Variants in P2RY6 observed in about 807,000 individuals in gnomAD.
The protein encoded by P2RY6 is P2Y purinoceptor 6.
A neutral mutation model predicts 16.3 loss-of-function variants in P2RY6; 19 were observed. The ratio of observed to expected loss-of-function variants is 1.16; its 90% CI spans 0.81 to 1.71. The LOEUF (loss-of-function observed/expected upper bound fraction) is 1.71. P2RY6 is among the 40% of genes most tolerant of loss of function. P2RY6 has a pLI of 0.00. For missense variants in P2RY6, 389 were observed against 455.5 expected (o/e 0.85, Z 1.33); for synonymous variants, 184 against 201.5 (o/e 0.91, Z 0.74).
intron 1 of P2RY6, among the ~76,000 whole-genome samples, chr11:73,288,660 G>A (rs1013119961): frequency 1.3e-5 from 2 of 152,226 alleles, no homozygotes; most frequent in Non-Finnish European, 2.9e-5. Flanking sequence ...CCCTGCTTCA[G>A]GCTAGAGGCT....
chr11:73,277,116 AT>A (rs11354080), intron 1 of P2RY6, among the ~76,000 whole-genome samples: 5,627 of 145,654 alleles, frequency 0.039, 97 homozygotes, highest in Middle Eastern at 0.068. Flanking sequence ...AGAAATACAG[AT>A]TTTTTTTTTT....
At chr11:73,292,748 C>T (rs1864310161) in intron 1 of P2RY6, 1 of 978,568 alleles carries the variant, frequency 1.0e-6, no homozygotes, top group Non-Finnish European at 1.2e-6. Context: ...GTGGCCCCCA[C>T]AGGGGCTCTT....
chr11:73,275,068 G>A (rs575838235), intron 1 of P2RY6, among the ~76,000 whole-genome samples: 27 of 152,348 alleles, frequency 1.8e-4, no homozygotes, highest in African/African-American at 6.3e-4. Context: ...GCAAGACGCA[G>A]TCATTTGGTC....
chr11:73,291,376 T>G (rs1036709392), intron 1 of P2RY6, among the ~76,000 whole-genome samples: 7 of 152,096 alleles, frequency 4.6e-5, no homozygotes, highest in Admixed American at 1.3e-4. Flanking sequence ...CCCGCCCTGC[T>G]GGGAGTGGGT....
upstream of P2RY6, among the ~76,000 whole-genome samples, chr11:73,270,428 G>A (rs917930956): frequency 2.0e-5 from 3 of 152,102 alleles, no homozygotes; most frequent in South Asian, 2.1e-4. Flanking sequence ...CTGACGGGGG[G>A]CACAGCCAGC....
At chr11:73,284,958 C>T (rs1863910028) in intron 1 of P2RY6, among the ~76,000 whole-genome samples, 1 of 152,086 alleles carries the variant, frequency 6.6e-6, no homozygotes, top group African/African-American at 2.4e-5. Flanking sequence ...AGAGAAGGGG[C>T]GTAGGAATCA....
At position 73,295,721 on chromosome 11, in the gene P2RY6, AT is replaced by A; in HGVS notation, c.-120-5del. The A allele has an allele frequency of 1.0e-6, 1 of 978,772 alleles. No individual in the cohort carries two copies. The highest frequency in any genetic ancestry group is 1.2e-6 in the Non-Finnish European group (1 of 823,906). 60.6% of individuals were successfully genotyped at this position (978,772 alleles called of 1,614,324 possible). On this transcript the variant is annotated splice_polypyrimidine_tract_variant and splice_region_variant and intron_variant, in intron 1 of 2. Coordinates refer to ENST00000540124, the MANE Select transcript of P2RY6 (RefSeq NM_001277204.2). Reference sequence around the variant, plus strand: ...GAACTGGGTATCACCTCCTTCCCCTATTTTACAGATAACAAGACCTCTGCCA... The same window carrying A: ...GAACTGGGTATCACCTCCTTCCCCTATTTACAGATAACAAGACCTCTGCCA...
intron 1 of P2RY6, among the ~76,000 whole-genome samples, chr11:73,275,606 G>C (rs959464472): frequency 6.6e-6 from 1 of 152,210 alleles, no homozygotes; most frequent in Non-Finnish European, 1.5e-5. Context: ...CATTCCTCAT[G>C]CCTTCGCATT....
upstream of P2RY6, among the ~76,000 whole-genome samples, chr11:73,267,704 T>C (rs1325038875): frequency 6.6e-6 from 1 of 152,184 alleles, no homozygotes; most frequent in African/African-American, 2.4e-5. Flanking sequence ...GCTTAAAACC[T>C]TGCCTTGAGC....
At chr11:73,282,460 G>A (rs903922683) in intron 1 of P2RY6, among the ~76,000 whole-genome samples, 7 of 152,102 alleles carry the variant, frequency 4.6e-5, no homozygotes, top group Admixed American at 1.3e-4. Context: ...CTCCTGCAAG[G>A]CCCCTCAGCA....
intron 1 of P2RY6, among the ~76,000 whole-genome samples, chr11:73,283,618 G>A (rs1316758062): frequency 1.3e-5 from 2 of 152,200 alleles, no homozygotes; most frequent in African/African-American, 4.8e-5. Context: ...GACAGTTGCT[G>A]GCTCCTTGGT....
intron 1 of P2RY6, among the ~76,000 whole-genome samples, chr11:73,279,893 G>T (rs1863687231): frequency 1.3e-5 from 2 of 152,236 alleles, no homozygotes; most frequent in Non-Finnish European, 2.9e-5. Flanking sequence ...CCAGGAATCT[G>T]ATGGGCAGCC....
At chr11:73,279,782 C>T (rs933390805) in intron 1 of P2RY6, among the ~76,000 whole-genome samples, 5 of 152,238 alleles carry the variant, frequency 3.3e-5, no homozygotes, top group Admixed American at 3.3e-4. Flanking sequence ...GATCCTGGGT[C>T]TGGTGACCAC....
At chr11:73,286,197 C>T (rs947257895) in intron 1 of P2RY6, among the ~76,000 whole-genome samples, 1 of 152,160 alleles carries the variant, frequency 6.6e-6, no homozygotes, top group Non-Finnish European at 1.5e-5. Context: ...AGAGGCCTGT[C>T]ATTGACCCCT....
In P2RY6 at chr11:73,297,187, T is replaced by A. The variant is rs138018794; in HGVS notation, c.669T>A (p.Asp223Glu). The change falls in exon 3 of 3, where the codon GAT becomes GAA. Residue 223 changes from aspartate to glutamate, a missense_variant. Physicochemically the swap from Asp to Glu is conservative, Grantham distance 45. Transcript: ENST00000540124. ...CLLACRLCRQ[D>E]GPAEPVAQER... is the part of the protein sequence containing the mutation. Reference sequence around the variant, plus strand: ...TGGCCTGCCGCCTGTGCCGCCAGGATGGCCCGGCAGAGCCTGTGGCCCAGG... The same window carrying A: ...TGGCCTGCCGCCTGTGCCGCCAGGAAGGCCCGGCAGAGCCTGTGGCCCAGG... The A allele has an allele frequency of 1.9e-6, 3 of 1,603,726 alleles. No homozygotes were observed. In the African/African-American group the frequency reaches 4.0e-5, roughly 21 times the overall value.
intron 1 of P2RY6, among the ~76,000 whole-genome samples, chr11:73,278,738 T>C (rs1440626168): frequency 6.6e-6 from 1 of 152,262 alleles, no homozygotes; most frequent in African/African-American, 2.4e-5. Context: ...ATTGTATGTA[T>C]ATATCACATT....
chr11:73,285,918 G>C (rs1202444892), intron 1 of P2RY6, among the ~76,000 whole-genome samples: 1 of 152,218 alleles, frequency 6.6e-6, no homozygotes, highest in Non-Finnish European at 1.5e-5. Context: ...TATGGCCCCA[G>C]AGGCAAGCTG....
chr11:73,266,905 G>A (rs1202289557), intron 1 of P2RY6, among the ~76,000 whole-genome samples: 4 of 152,162 alleles, frequency 2.6e-5, no homozygotes, highest in Non-Finnish European at 1.5e-5. Flanking sequence ...AAGGAGGCCT[G>A]GCCCAGCCCT....
upstream of P2RY6, chr11:73,271,617 AG>A (rs1240163204): frequency 6.6e-6 from 1 of 152,250 alleles, no homozygotes; most frequent in African/African-American, 2.4e-5. Context: ...CTGCTAGGTC[AG>A]GGGTCGAATT....
Sources: gnomAD v4.1 joint callset for allele counts (sites outside exome capture counted in the v4.1 genomes callset) on GRCh38, gnomAD v4.1.1 for gene constraint, MANE v1.5 for transcripts, NCBI Gene and HGNC (gene_info 2026-07-23, HGNC 2026-07-21) for gene names.